The following IRAK1BP1 variants were observed in gnomAD, a reference collection of about 807,000 sequenced individuals.
The protein encoded by IRAK1BP1 is interleukin-1 receptor-associated kinase 1-binding protein 1.
Under a neutral mutation model 28.0 loss-of-function variants are expected in IRAK1BP1, and 24 were observed. That is an observed-to-expected ratio of 0.86 (90% CI 0.62 to 1.20). The LOEUF (loss-of-function observed/expected upper bound fraction) is 1.20, where lower values mean the gene tolerates loss of function less well. Among genes scored for constraint, IRAK1BP1 ranks in the 50% most tolerant of loss-of-function variants. The pLI, the probability that IRAK1BP1 is intolerant of heterozygous loss-of-function variation, is 0.00. For missense variants in IRAK1BP1, 336 were observed against 316.7 expected (o/e 1.06, Z -0.46); for synonymous variants, 131 against 116.3 (o/e 1.13, Z -0.81).
chr6:78,884,408 A>G (rs1283103120), intron 1 of IRAK1BP1, among the ~76,000 whole-genome samples: 2 of 152,126 alleles, frequency 1.3e-5, no homozygotes, highest in East Asian at 3.8e-4. Flanking sequence ...TAATCACTGA[A>G]TTTAAAAACC....
chr6:78,971,351 C>T, the IRAK1BP1 span, among the ~76,000 whole-genome samples: 1 of 152,180 alleles, frequency 6.6e-6, no homozygotes, highest in African/African-American at 2.4e-5. Context: ...TCATGAAGAT[C>T]AAATTTAAGT....
At chr6:78,971,956 C>G in the IRAK1BP1 span, among the ~76,000 whole-genome samples, 1 of 152,136 alleles carries the variant, frequency 6.6e-6, no homozygotes, top group African/African-American at 2.4e-5. Context: ...GGGGGAGGGG[C>G]GCCCACCATT....
the IRAK1BP1 span, chr6:78,961,618 G>A: frequency 2.0e-6 from 3 of 1,501,016 alleles, no homozygotes; most frequent in African/African-American, 2.8e-5. Context: ...GAGAAACACT[G>A]CTAAAGATCA....
At chr6:78,882,345 T>G (rs1399083788) in intron 1 of IRAK1BP1, among the ~76,000 whole-genome samples, 3 of 152,122 alleles carry the variant, frequency 2.0e-5, no homozygotes, top group Admixed American at 6.6e-5. Flanking sequence ...TAAAGTAGTA[T>G]TTATTGAGTG....
chr6:78,869,552 C>T (rs1469863412), intron 1 of IRAK1BP1, among the ~76,000 whole-genome samples: 4 of 152,206 alleles, frequency 2.6e-5, no homozygotes, highest in East Asian at 3.9e-4. Flanking sequence ...CTAAGTCCAA[C>T]TTAGAGTAAT....
chr6:78,885,887 T>C (rs1771414899), intron 2 of IRAK1BP1, among the ~76,000 whole-genome samples: 1 of 152,198 alleles, frequency 6.6e-6, no homozygotes, highest in Non-Finnish European at 1.5e-5. Flanking sequence ...TTAAAAAGAA[T>C]AAAACTATTT....
downstream of IRAK1BP1, among the ~76,000 whole-genome samples, chr6:78,906,916 A>T (rs1383251153): frequency 6.6e-6 from 1 of 152,228 alleles, no homozygotes; most frequent in African/African-American, 2.4e-5. Context: ...ATGGGTAAAG[A>T]TCTTCTCTGA....
rs554532155 is a variant in IRAK1BP1, at chr6:78,945,093, T to C, written c.*68-315T>C. On this transcript the variant is annotated intron_variant and NMD_transcript_variant, in intron 4 of 4. Coordinates refer to the IRAK1BP1 transcript ENST00000606868. The stretch of plus-strand genomic sequence containing the variant: ...TTGAAGATTTATTTCTTTTTTTTTT[T>C]TTTCTTTTGAGACAGGGTCTCATTC... Among the ~76,000 whole-genome samples, 3 of 152,164 alleles carry C rather than the reference T, an allele frequency of 2.0e-5. No individual in the cohort carries two copies. The East Asian group carries it at 5.8e-4, about 29-fold the overall frequency.
At chr6:78,909,886 T>A (rs1300435914) in intron 4 of IRAK1BP1, among the ~76,000 whole-genome samples, 1 of 152,206 alleles carries the variant, frequency 6.6e-6, no homozygotes, top group African/African-American at 2.4e-5. Flanking sequence ...GTGATGTTAT[T>A]TCTATATGTT....
At chr6:78,972,704 C>T in the IRAK1BP1 span, among the ~76,000 whole-genome samples, 6 of 152,060 alleles carry the variant, frequency 3.9e-5, no homozygotes, top group African/African-American at 1.4e-4. Flanking sequence ...GAGCTGAAAA[C>T]CAAGGCTCGA....
intron 2 of IRAK1BP1, among the ~76,000 whole-genome samples, chr6:78,896,108 G>A (rs2127653401): frequency 6.6e-6 from 1 of 152,196 alleles, no homozygotes; most frequent in Non-Finnish European, 1.5e-5. Flanking sequence ...AATAAATGGA[G>A]AAACACTTCT....
At chr6:78,929,462 C>A (rs1453628247) in intron 4 of IRAK1BP1, among the ~76,000 whole-genome samples, 2 of 151,990 alleles carry the variant, frequency 1.3e-5, no homozygotes, top group Non-Finnish European at 2.9e-5. Flanking sequence ...ACCACATGTT[C>A]TCACTTATAA....
intron 4 of IRAK1BP1, among the ~76,000 whole-genome samples, chr6:78,930,010 C>T (rs1404963121): frequency 6.6e-6 from 1 of 152,138 alleles, no homozygotes; most frequent in Non-Finnish European, 1.5e-5. Flanking sequence ...TATCTCAGCT[C>T]ACTGCAGCCT....
chr6:78,967,931 A>G, the IRAK1BP1 span, among the ~76,000 whole-genome samples: 1 of 152,080 alleles, frequency 6.6e-6, no homozygotes, highest in East Asian at 1.9e-4. Context: ...TCAGGAGATC[A>G]AGACCATCCT....
exon 5 of IRAK1BP1, chr6:78,946,128 A>C: frequency 6.2e-7 from 1 of 1,614,064 alleles, no homozygotes; most frequent in South Asian, 1.1e-5. Context: ...GAACCACAGA[A>C]CTAGATTCTG....
At chr6:78,873,033 A>G (rs1021694031) in intron 1 of IRAK1BP1, among the ~76,000 whole-genome samples, 2 of 152,018 alleles carry the variant, frequency 1.3e-5, no homozygotes, top group Non-Finnish European at 2.9e-5. Flanking sequence ...AGGCAGGCGG[A>G]TTACTTGAGA....
chr6:78,878,391 G>T (rs1308073619), intron 1 of IRAK1BP1, among the ~76,000 whole-genome samples: 1 of 152,184 alleles, frequency 6.6e-6, no homozygotes, highest in Non-Finnish European at 1.5e-5. Context: ...AACAGGGTCT[G>T]GAGTGGACCT....
the IRAK1BP1 span, among the ~76,000 whole-genome samples, chr6:78,964,270 T>C: frequency 1.3e-5 from 2 of 152,188 alleles, no homozygotes; most frequent in African/African-American, 4.8e-5. Context: ...TGATAATTCC[T>C]GCAGAGAACT....
rs1189148492 is a variant in IRAK1BP1, at chr6:78,898,978, A to G, written c.*644A>G. ...GATTCCCAGACAGAAACAAAGGACT[A>G]TTACTCATGGCACAACAAGGAGCAT... On this transcript the variant is annotated 3_prime_UTR_variant, in exon 4 of 4. Coordinates refer to ENST00000369940, the MANE Select transcript of IRAK1BP1 (RefSeq NM_001010844.4). 2 of 152,182 alleles carry G rather than the reference A, an allele frequency of 1.3e-5. No individual in the cohort carries two copies. Among genetic ancestry groups the G allele is most frequent in the African/African-American group, 4.8e-5 (2 of 41,446 alleles). 9.4% of individuals were successfully genotyped at this position (152,182 alleles called of 1,614,324 possible).
Sources: gnomAD v4.1 joint callset for allele counts (sites outside exome capture counted in the v4.1 genomes callset) on GRCh38, gnomAD v4.1.1 for gene constraint, MANE v1.5 for transcripts, NCBI Gene and HGNC (gene_info 2026-07-23, HGNC 2026-07-21) for gene names.